The following ANKRD44 variants were observed in gnomAD, a reference collection of about 807,000 sequenced individuals.
ANKRD44 encodes serine/threonine-protein phosphatase 6 regulatory ankyrin repeat subunit B.
ANKRD44 carries 35 observed loss-of-function variants against 116.0 expected under a neutral mutation model. The ratio of observed to expected loss-of-function variants is 0.30; its 90% confidence interval spans 0.23 to 0.40. ANKRD44 has a LOEUF of 0.40. Ranked by LOEUF, ANKRD44 falls within the 10% of genes least tolerant of loss-of-function variation. The pLI, the probability that ANKRD44 is intolerant of heterozygous loss-of-function variation, is 1.00. For synonymous variants in ANKRD44, 435 were observed against 461.8 expected (o/e 0.94, Z 0.74); for missense variants, 1,014 against 1,242.6 (o/e 0.82, Z 2.77).
chr2:196,979,382 CAAA>C (rs778459937), intron 21 of ANKRD44, among the ~76,000 whole-genome samples: 1 of 40,570 alleles, frequency 2.5e-5, no homozygotes, highest in Non-Finnish European at 5.0e-5. Context: ...GACTCCGTCT[CAAA>C]AAAAAAAAAA....
chr2:197,218,006 G>T (rs187631379), intron 1 of ANKRD44, among the ~76,000 whole-genome samples: 1 of 152,082 alleles, frequency 6.6e-6, no homozygotes, highest in East Asian at 1.9e-4. Flanking sequence ...AATAGTGCTA[G>T]TATTTACATA....
At chr2:197,222,224 C>T (rs1202400416) in intron 1 of ANKRD44, among the ~76,000 whole-genome samples, 2 of 152,070 alleles carry the variant, frequency 1.3e-5, no homozygotes, top group African/African-American at 2.4e-5. Context: ...TTCTTTATCC[C>T]CCATGGTACC....
chr2:197,212,171 C>T lies in ANKRD44; in HGVS notation c.28-25065G>A, dbSNP rs2081342933. 2.6e-5 allele frequency among the ~76,000 whole-genome samples: 4 copies of T among 152,026 alleles called. 1 individual carries two copies. On this transcript the variant is annotated intron_variant, in intron 1 of 27. Coordinates refer to ENST00000282272, the MANE Select transcript of ANKRD44 (RefSeq NM_001195144.2). The surrounding 1 kb of genome is among the most constrained non-coding windows in gnomAD (Gnocchi z 4.8). ...GGACTTTCTGGTGGATCAAAGTATG[C>T]TAGAGATCAGGCAGTACTAGAGCCA...
At chr2:197,244,516 T>A (rs2082150059) in intron 1 of ANKRD44, among the ~76,000 whole-genome samples, 1 of 152,248 alleles carries the variant, frequency 6.6e-6, no homozygotes, top group Non-Finnish European at 1.5e-5. Context: ...CATGTCTATT[T>A]ATGGTCACCA....
intron 1 of ANKRD44, 65 bp downstream of exon 1, chr2:197,310,513 C>G (rs1429586844): frequency 1.0e-6 from 1 of 994,550 alleles, no homozygotes; most frequent in Non-Finnish European, 1.2e-6. Context: ...CGCCCCCATC[C>G]CCCCGCCGGG....
chr2:197,273,971 AAAAAAAAAAAT>A (rs1559207940), intron 1 of ANKRD44, among the ~76,000 whole-genome samples: 16 of 76,352 alleles, frequency 2.1e-4, no homozygotes, highest in South Asian at 5.5e-4. Context: ...AAAAAAAAAA[AAAAAAAAAAAT>A]ATATATATAT....
At chr2:197,252,703 T>A (rs1277485149) in intron 1 of ANKRD44, among the ~76,000 whole-genome samples, 1 of 152,190 alleles carries the variant, frequency 6.6e-6, no homozygotes. Context: ...TTTTAAATAT[T>A]CCCCCAAGTG....
chr2:197,268,273 G>T (rs748774153), intron 1 of ANKRD44, among the ~76,000 whole-genome samples: 6 of 152,126 alleles, frequency 3.9e-5, no homozygotes, highest in Non-Finnish European at 8.8e-5. Context: ...AGAAAGAGTG[G>T]TTCAGGAAGA....
intron 1 of ANKRD44, among the ~76,000 whole-genome samples, chr2:197,219,343 C>T (rs150424603): frequency 2.0e-5 from 3 of 152,258 alleles, no homozygotes; most frequent in East Asian, 3.9e-4. Flanking sequence ...GCTGGGATTA[C>T]AGACATGAGC....
At chr2:197,092,552 T>C (rs956984986) in intron 10 of ANKRD44, among the ~76,000 whole-genome samples, 2 of 152,194 alleles carry the variant, frequency 1.3e-5, no homozygotes, top group Non-Finnish European at 2.9e-5. Context: ...TTAACGGTGG[T>C]TTTATTCGGT....
intron 2 of ANKRD44, among the ~76,000 whole-genome samples, chr2:197,154,215 T>C (rs2125462358): frequency 6.8e-6 from 1 of 146,762 alleles, no homozygotes; most frequent in South Asian, 2.2e-4. Context: ...AGTCTCGCTC[T>C]GTCGCCCAGG....
At chr2:197,142,699 T>C (rs1330931473) in intron 3 of ANKRD44, among the ~76,000 whole-genome samples, 2 of 152,190 alleles carry the variant, frequency 1.3e-5, no homozygotes, top group South Asian at 2.1e-4. Context: ...AATATCAAAT[T>C]CATCCTCAAA....
chr2:197,146,820 C>T (rs2079516950), intron 3 of ANKRD44, among the ~76,000 whole-genome samples: 1 of 152,094 alleles, frequency 6.6e-6, no homozygotes, highest in East Asian at 1.9e-4. Context: ...ACTTTCAAAG[C>T]AAGATAAAAA....
intron 20 of ANKRD44, among the ~76,000 whole-genome samples, chr2:197,007,069 C>T (rs1015742860): frequency 5.3e-5 from 8 of 151,810 alleles, no homozygotes; most frequent in African/African-American, 1.7e-4. Context: ...TGTGCCACTA[C>T]ACTCCAGCCT....
intron 1 of ANKRD44, among the ~76,000 whole-genome samples, chr2:197,205,426 G>A (rs1393831146): frequency 6.6e-6 from 1 of 152,160 alleles, no homozygotes; most frequent in Admixed American, 6.5e-5. Flanking sequence ...TCATCTCACT[G>A]TATTTTTCAG....
At chr2:197,227,980 C>T (rs1183550160) in intron 1 of ANKRD44, among the ~76,000 whole-genome samples, 1 of 152,174 alleles carries the variant, frequency 6.6e-6, no homozygotes, top group Non-Finnish European at 1.5e-5. Context: ...GCACTAAATT[C>T]CAAAACAAAA....
intron 1 of ANKRD44, among the ~76,000 whole-genome samples, chr2:197,285,252 C>A (rs970276240): frequency 6.6e-6 from 1 of 152,086 alleles, no homozygotes; most frequent in Non-Finnish European, 1.5e-5. Flanking sequence ...CCAGCCCCAA[C>A]CCACTGCAGG....
chr2:197,259,382 T>G (rs950393956), intron 1 of ANKRD44, among the ~76,000 whole-genome samples: 1 of 152,108 alleles, frequency 6.6e-6, no homozygotes, highest in Non-Finnish European at 1.5e-5. Context: ...TTTGTAAACC[T>G]AAGAAACAAA....
chr2:197,273,977 AAAAATATATATATATATATATATATATAT>A (rs1465758059), intron 1 of ANKRD44, among the ~76,000 whole-genome samples: 3 of 51,312 alleles, frequency 5.8e-5, no homozygotes, highest in African/African-American at 2.3e-4. Context: ...AAAAAAAAAA[AAAAATATATATATATATATATATATATAT>A]ATATATATAT....
Sources: allele counts gnomAD v4.1 joint callset (sites outside exome capture counted in the v4.1 genomes callset), GRCh38; gene constraint gnomAD v4.1.1; non-coding constraint Gnocchi (gnomAD v3.1); transcripts MANE v1.5; gene names NCBI Gene and HGNC (gene_info 2026-07-23, HGNC 2026-07-21).